STPG4: variants seen among roughly 807,000 people sequenced by gnomAD.
The protein encoded by STPG4 is protein STPG4.
STPG4 carries 41 observed loss-of-function variants against 31.5 expected under a neutral mutation model. That is an observed-to-expected ratio of 1.30 (90% CI 1.01 to 1.69). The LOEUF is 1.69. Among genes scored for constraint, STPG4 ranks in the 40% most tolerant of loss-of-function variants. The pLI is 0.00. For missense variants in STPG4, 375 were observed against 293.4 expected (o/e 1.28, Z -2.03); for synonymous variants, 141 against 103.0 (o/e 1.37, Z -2.24).
In STPG4 at chr2:47,152,868, A is replaced by G. The variant is rs1686964634; in HGVS notation, c.141+89T>C. On this transcript the variant is annotated intron_variant, in intron 2 of 6. Coordinates refer to ENST00000445927, the MANE Select transcript of STPG4 (RefSeq NM_001163561.2). ...TCTGAACAATCACTGTTTTCTTACA[A>G]TTTAGTGTTAGTCTTAAAAGCTATA... is the stretch of plus-strand genomic sequence containing the variant. The G allele has an allele frequency of 4.3e-6, 4 of 930,930 alleles. No individual in the cohort carries two copies. The South Asian group carries it at 6.6e-5, about 15-fold the overall frequency. 57.7% of individuals were successfully genotyped at this position (930,930 alleles called of 1,614,324 possible). A position where few individuals can be genotyped will look rare whatever the true frequency, so the allele number is the denominator to read the frequency against.
At chr2:47,128,243 T>C (rs1686402658) in intron 5 of STPG4, among the ~76,000 whole-genome samples, 1 of 151,616 alleles carries the variant, frequency 6.6e-6, no homozygotes. Flanking sequence ...GAGGGACGGG[T>C]GACACAAGCA....
At chr2:47,130,404 C>CA (rs1268976303) in intron 3 of STPG4, 144 bp from the exon 4 acceptor site, 2 of 681,458 alleles carry the variant, frequency 2.9e-6, no homozygotes, top group Non-Finnish European at 5.0e-6. Flanking sequence ...GGAAAATGTA[C>CA]ATTTCCAAAG....
chr2:47,107,094 G>A (rs1460492482), intron 5 of STPG4, among the ~76,000 whole-genome samples: 1 of 151,974 alleles, frequency 6.6e-6, no homozygotes, highest in Admixed American at 6.6e-5. Context: ...TTTAGAGGGG[G>A]GATTGAGAGG....
chr2:47,128,017 T>A (rs1463554914), intron 5 of STPG4, among the ~76,000 whole-genome samples: 1 of 152,214 alleles, frequency 6.6e-6, no homozygotes, highest in Non-Finnish European at 1.5e-5. Context: ...TTAAGTGCTG[T>A]AATCTGTCTT....
intron 3 of STPG4, among the ~76,000 whole-genome samples, chr2:47,132,892 A>G (rs1408245148): frequency 6.6e-6 from 1 of 152,220 alleles, no homozygotes; most frequent in African/African-American, 2.4e-5. Context: ...TAAGATTTCC[A>G]TAATGAAGTG....
intron 5 of STPG4, among the ~76,000 whole-genome samples, chr2:47,109,024 G>A (rs560769001): frequency 4.9e-4 from 75 of 152,276 alleles, no homozygotes; most frequent in African/African-American, 1.6e-3. Context: ...CCACCTTTAT[G>A]TTTTTATTTT....
At chr2:47,098,979 C>CAAAAGTT (rs1355397020) in intron 5 of STPG4, among the ~76,000 whole-genome samples, 1 of 152,098 alleles carries the variant, frequency 6.6e-6, no homozygotes, top group East Asian at 1.9e-4. Context: ...TGTTAGGGGC[C>CAAAAGTT]AAAAGTTATT....
intron 3 of STPG4, among the ~76,000 whole-genome samples, chr2:47,143,448 G>T (rs554577332): frequency 6.6e-6 from 1 of 151,072 alleles, no homozygotes; most frequent in Admixed American, 6.6e-5. Flanking sequence ...TTAGTAATTG[G>T]TGTGTCTCTT....
rs1372863606 is a variant in STPG4, at chr2:47,154,724, CTA to C, written c.81+445_81+446del. On this transcript the variant is annotated intron_variant, in intron 1 of 6. Coordinates refer to ENST00000445927, the MANE Select transcript of STPG4 (RefSeq NM_001163561.2). ...CCTGCCTGGGTGACAGAGCGAGACT[CTA>C]AAAGAAAAACGTAGCAAAAGTAGCT... Among the ~76,000 whole-genome samples the C allele has an allele frequency of 7.2e-5, 11 of 152,098 alleles. 1 individual carries two copies. The highest frequency in any genetic ancestry group is 6.5e-4 in the Admixed American group (10 of 15,278).
At position 47,107,309 on chromosome 2, in the gene STPG4, G is replaced by A. The variant is rs569275545; in HGVS notation, c.520-16935C>T. 7.7e-4 allele frequency among the ~76,000 whole-genome samples: 117 copies of A among 152,224 alleles called. 1 individual carries two copies. The highest frequency in any genetic ancestry group is 1.2e-3 in the Admixed American group (19 of 15,298). On this transcript the variant is annotated intron_variant, in intron 5 of 6. Transcript: ENST00000445927. ...ACGCGCAAGTGGGAACCGGGGCTGC[G>A]CGTGGTGCTTGCGGGCCAGCTGGAG...
chr2:47,112,608 T>C (rs1270252570), intron 5 of STPG4, among the ~76,000 whole-genome samples: 1 of 152,196 alleles, frequency 6.6e-6, no homozygotes, highest in African/African-American at 2.4e-5. Context: ...TTGAAGAGAC[T>C]AGGTGAATGT....
intron 6 of STPG4, among the ~76,000 whole-genome samples, chr2:47,088,939 G>C (rs1412774625): frequency 6.6e-6 from 1 of 152,156 alleles, no homozygotes; most frequent in African/African-American, 2.4e-5. Context: ...ATCTCACAAG[G>C]CCACCCCTCG....
chr2:47,146,494 G>A (rs1335149508), intron 3 of STPG4, among the ~76,000 whole-genome samples: 4 of 151,616 alleles, frequency 2.6e-5, no homozygotes, highest in Non-Finnish European at 5.9e-5. Context: ...GGGAGGCCAA[G>A]GCAGGAGGAC....
chr2:47,091,743 C>G (rs1471930001), intron 5 of STPG4, among the ~76,000 whole-genome samples: 1 of 152,098 alleles, frequency 6.6e-6, no homozygotes, highest in Non-Finnish European at 1.5e-5. Flanking sequence ...CAAGTTTTCA[C>G]AAAACGGAGT....
chr2:47,151,192 A>C (rs920483709), intron 3 of STPG4, 66 bp downstream of exon 3: 9 of 1,575,030 alleles, frequency 5.7e-6, no homozygotes, highest in Non-Finnish European at 7.8e-6. Context: ...TCTACGTATA[A>C]AAATACTTTC....
Position 47,112,237 on chromosome 2 carries a change from G to A in STPG4, c.519+17704C>T, listed in dbSNP as rs76505892. ...GCTGGGGTGCAGTGGCATGATCTCC[G>A]CTCACTGCAAACTCTGCCTCTCAGG... On this transcript the variant is annotated intron_variant, in intron 5 of 6. Transcript: ENST00000445927. 4.2e-4 allele frequency among the ~76,000 whole-genome samples: 64 copies of A among 152,200 alleles called. 1 individual carries two copies. In the East Asian group the frequency reaches 0.01, roughly 24 times the overall value.
chr2:47,126,011 T>C (rs139084570), intron 5 of STPG4, among the ~76,000 whole-genome samples: 20 of 152,330 alleles, frequency 1.3e-4, no homozygotes, highest in African/African-American at 4.6e-4. Context: ...TTGGCACCTG[T>C]GTCAAAAATG....
intron 6 of STPG4, among the ~76,000 whole-genome samples, chr2:47,089,839 A>G (rs915457796): frequency 4.6e-5 from 7 of 152,068 alleles, no homozygotes; most frequent in African/African-American, 1.4e-4. Flanking sequence ...TAATGCCTTA[A>G]TGGTCCCATT....
At chr2:47,145,793 G>T (rs1211484947) in intron 3 of STPG4, among the ~76,000 whole-genome samples, 1 of 152,094 alleles carries the variant, frequency 6.6e-6, no homozygotes, top group African/African-American at 2.4e-5. Context: ...TCCATTCATG[G>T]GAGAAGGCAC....
Sources: gnomAD v4.1 joint callset for allele counts (sites outside exome capture counted in the v4.1 genomes callset) on GRCh38, gnomAD v4.1.1 for gene constraint, MANE v1.5 for transcripts, NCBI Gene and HGNC (gene_info 2026-07-23, HGNC 2026-07-21) for gene names.